The following ZNF469 variants were observed in gnomAD, a reference collection of about 807,000 sequenced individuals.
The protein encoded by ZNF469 is zinc finger protein 469.
A neutral mutation model predicts 1.0 loss-of-function variants in ZNF469; 1 was observed. The ratio of observed to expected loss-of-function variants is 1.00; its 90% CI spans 0.35 to 4.73. The LOEUF is 4.73. Among genes scored for constraint, ZNF469 ranks in the 30% most tolerant of loss-of-function variants. The pLI, the probability that ZNF469 is intolerant of heterozygous loss-of-function variation, is 0.16. For synonymous variants in ZNF469, 2,703 were observed against 2,363.4 expected (o/e 1.14, Z -4.17); for missense variants, 6,100 against 5,356.3 (o/e 1.14, Z -4.33).
chr16:88,109,224 C>A, the ZNF469 span, among the ~76,000 whole-genome samples: 1 of 152,324 alleles, frequency 6.6e-6, no homozygotes. Context: ...GAGGGTCTCT[C>A]TTCTTTGTGG....
At chr16:88,290,613 G>A in the ZNF469 span, among the ~76,000 whole-genome samples, 80 of 152,162 alleles carry the variant, frequency 5.3e-4, no homozygotes, top group African/African-American at 1.8e-3. Context: ...TCCTAGTACC[G>A]AGCATTCTGC....
the ZNF469 span, among the ~76,000 whole-genome samples, chr16:88,244,305 G>GTGGATGGT: frequency 6.8e-6 from 1 of 146,744 alleles, no homozygotes; most frequent in Non-Finnish European, 1.5e-5. Flanking sequence ...GGATGGGTGA[G>GTGGATGGT]TGGATGGTTG....
At chr16:88,400,494 G>A (rs1404413994) in intron 1 of ZNF469, among the ~76,000 whole-genome samples, 1 of 152,204 alleles carries the variant, frequency 6.6e-6, no homozygotes, top group Non-Finnish European at 1.5e-5. Context: ...TGTGGGTCTT[G>A]GAAGCAGTTT....
chr16:88,183,309 A>G, the ZNF469 span, among the ~76,000 whole-genome samples: 1 of 152,160 alleles, frequency 6.6e-6, no homozygotes, highest in Non-Finnish European at 1.5e-5. Context: ...TCCCACTCTC[A>G]AAAGAAATGA....
At chr16:88,405,858 G>A (rs957438613) in intron 1 of ZNF469, among the ~76,000 whole-genome samples, 4 of 152,340 alleles carry the variant, frequency 2.6e-5, no homozygotes, top group East Asian at 1.9e-4. Flanking sequence ...CCTCAGAAGC[G>A]GAAAAGCCTC....
chr16:88,135,597 G>C, the ZNF469 span, among the ~76,000 whole-genome samples: 1 of 152,062 alleles, frequency 6.6e-6, no homozygotes, highest in African/African-American at 2.4e-5. Context: ...AGCACCCACA[G>C]CCAGGGGAGC....
the ZNF469 span, among the ~76,000 whole-genome samples, chr16:88,227,270 G>A: frequency 9.2e-5 from 14 of 152,172 alleles, no homozygotes; most frequent in Admixed American, 2.0e-4. Context: ...CCCCAGGGCC[G>A]GGAACAGTGT....
At chr16:88,245,112 A>G in the ZNF469 span, among the ~76,000 whole-genome samples, 1 of 152,134 alleles carries the variant, frequency 6.6e-6, no homozygotes, top group Non-Finnish European at 1.5e-5. Context: ...CCCTTCATCA[A>G]GGGTCATGTT....
At chr16:88,268,805 G>A in the ZNF469 span, among the ~76,000 whole-genome samples, 4 of 152,198 alleles carry the variant, frequency 2.6e-5, no homozygotes, top group Non-Finnish European at 4.4e-5. Context: ...CTCGCTTGAA[G>A]TACATCGAAT....
the ZNF469 span, among the ~76,000 whole-genome samples, chr16:88,125,449 C>G: frequency 1.3e-5 from 2 of 152,238 alleles, no homozygotes; most frequent in African/African-American, 4.8e-5. Flanking sequence ...CTTTGAGAAT[C>G]AGCATGTCGG....
rs889719149 is a variant in ZNF469 at position 88,435,551 on chromosome 16, G to C, written c.8081G>C (p.Arg2694Pro). The C allele has an allele frequency of 7.6e-5, 117 of 1,549,530 alleles. No homozygotes were observed. Among genetic ancestry groups the C allele is most frequent in the Non-Finnish European group, 1.0e-4 (115 of 1,146,960 alleles). ...GAGGCTGACGGGGAGCAGCCGCCTC[G>C]CTTGGCCACTCTGGGACCTGGGGTG... ...GPEADGEQPP[R>P]LATLGPGVME... The change falls in exon 3 of 3, where the codon CGC (arginine) becomes CCC (proline). Residue 2694 changes from arginine to proline, a missense_variant. Physicochemically the swap from Arg to Pro is moderately radical, Grantham distance 103. Coordinates refer to ENST00000565624, the MANE Select transcript of ZNF469 (RefSeq NM_001367624.2).
At chr16:88,359,987 G>A in the ZNF469 span, among the ~76,000 whole-genome samples, 11 of 152,190 alleles carry the variant, frequency 7.2e-5, no homozygotes, top group Admixed American at 2.0e-4. Context: ...TAACAGAGAG[G>A]TCAATATTTG....
the ZNF469 span, among the ~76,000 whole-genome samples, chr16:88,165,305 G>A: frequency 3.3e-5 from 5 of 152,256 alleles, no homozygotes; most frequent in East Asian, 7.7e-4. Flanking sequence ...ACGCCACCCC[G>A]GGTAGCCGAG....
At chr16:88,331,766 A>G in the ZNF469 span, among the ~76,000 whole-genome samples, 1 of 149,814 alleles carries the variant, frequency 6.7e-6, no homozygotes, top group Non-Finnish European at 1.5e-5. Flanking sequence ...CATCATCACT[A>G]TTGTTACCAC....
At chr16:88,292,353 G>T in the ZNF469 span, among the ~76,000 whole-genome samples, 4 of 152,180 alleles carry the variant, frequency 2.6e-5, no homozygotes, top group Non-Finnish European at 5.9e-5. Flanking sequence ...GGGACATTGG[G>T]TAGCAGGGCC....
At chr16:88,407,285 G>C (rs545008904) in intron 1 of ZNF469, among the ~76,000 whole-genome samples, 1 of 108,028 alleles carries the variant, frequency 9.3e-6, no homozygotes, top group African/African-American at 4.1e-5. Flanking sequence ...GGATCCGTCC[G>C]GAACCGTCGC....
At chr16:88,291,171 T>G in the ZNF469 span, among the ~76,000 whole-genome samples, 1 of 152,102 alleles carries the variant, frequency 6.6e-6, no homozygotes, top group Non-Finnish European at 1.5e-5. Flanking sequence ...CCCTCTTGGC[T>G]CCTCAGACCC....
the ZNF469 span, among the ~76,000 whole-genome samples, chr16:88,342,261 G>A: frequency 6.6e-6 from 1 of 152,084 alleles, no homozygotes; most frequent in Non-Finnish European, 1.5e-5. Context: ...GCTCAGTGTG[G>A]GGGTCCAGGC....
chr16:88,402,628 G>A (rs1904914172), intron 1 of ZNF469, among the ~76,000 whole-genome samples: 1 of 152,124 alleles, frequency 6.6e-6, no homozygotes. Context: ...ACCTGGGTCT[G>A]CCCCCACGGT....
Sources: allele counts gnomAD v4.1 joint callset (sites outside exome capture counted in the v4.1 genomes callset), GRCh38; gene constraint gnomAD v4.1.1; transcripts MANE v1.5; gene names NCBI Gene and HGNC (gene_info 2026-07-23, HGNC 2026-07-21).